The following BANK1 variants were observed in gnomAD, a reference collection of about 807,000 sequenced individuals.
The protein encoded by BANK1 is B cell scaffold protein with ankyrin repeats 1.
A neutral mutation model predicts 94.5 loss-of-function variants in BANK1; 95 were observed. That is an observed-to-expected ratio of 1.00 (90% CI 0.85 to 1.19). The LOEUF is 1.19. Among genes scored for constraint, BANK1 ranks in the 50% most tolerant of loss-of-function variants. The pLI is 0.00. For missense variants in BANK1, 987 were observed against 932.2 expected, an observed-to-expected ratio of 1.06 and a Z score of -0.77; for synonymous variants, 334 against 308.4, an observed-to-expected ratio of 1.08 and a Z score of -0.87.
chr4:101,954,121 A>C (rs545888112), intron 7 of BANK1, among the ~76,000 whole-genome samples: 1 of 152,176 alleles, frequency 6.6e-6, no homozygotes, highest in African/African-American at 2.4e-5. Context: ...CGGTCTTCAC[A>C]ATATGTTTTC....
At position 102,025,509 on chromosome 4, in the gene BANK1, G is replaced by A. The variant is rs1727059918; in HGVS notation, c.1594G>A (p.Gly532Arg). 1 of 1,607,534 alleles carries A rather than the reference G, an allele frequency of 6.2e-7. No homozygotes were observed. Among genetic ancestry groups the A allele is most frequent in the Non-Finnish European group, 8.5e-7 (1 of 1,179,516 alleles). The change falls in exon 9 of 17, where the codon GGG (glycine) becomes AGG (arginine). Residue 532 changes from glycine (G) to arginine (R), a missense_variant and splice_region_variant. Coordinates refer to ENST00000322953, the MANE Select transcript of BANK1 (RefSeq NM_017935.5). ...QLERPHFTLP[G>R]TMVEGQMERS... The stretch of plus-strand genomic sequence containing the variant: ...GGAAAGACCTCACTTCACCTTACCA[G>A]GTAAGTTTAAGGTTAGAAAAAAACA...
chr4:101,843,496 T>C (rs1461350407), intron 2 of BANK1, among the ~76,000 whole-genome samples: 1 of 152,226 alleles, frequency 6.6e-6, no homozygotes, highest in Non-Finnish European at 1.5e-5. Context: ...TATTATTATA[T>C]TCAAATGTTA....
At chr4:101,976,393 A>G (rs992487242) in intron 7 of BANK1, among the ~76,000 whole-genome samples, 2 of 152,172 alleles carry the variant, frequency 1.3e-5, no homozygotes, top group Non-Finnish European at 2.9e-5. Flanking sequence ...GGCAAAGAAT[A>G]CACAAAAATA....
intron 1 of BANK1, among the ~76,000 whole-genome samples, chr4:101,798,209 G>T (rs952346850): frequency 6.6e-6 from 1 of 152,146 alleles, no homozygotes; most frequent in Non-Finnish European, 1.5e-5. Flanking sequence ...AGCTGAATGG[G>T]AATGAGTGGA....
chr4:101,869,849 A>G (rs143664676), intron 4 of BANK1, among the ~76,000 whole-genome samples: 11 of 152,114 alleles, frequency 7.2e-5, no homozygotes, highest in African/African-American at 2.6e-4. Flanking sequence ...ATTCTTTCAT[A>G]GAAAGTCCTA....
At chr4:101,936,337 ATG>A (rs776455967) in intron 7 of BANK1, among the ~76,000 whole-genome samples, 14 of 150,490 alleles carry the variant, frequency 9.3e-5, no homozygotes, top group Non-Finnish European at 1.6e-4. Flanking sequence ...ATACATATAT[ATG>A]TACATATACA....
At chr4:101,792,838 A>T (rs1016230299) in intron 1 of BANK1, among the ~76,000 whole-genome samples, 1 of 152,170 alleles carries the variant, frequency 6.6e-6, no homozygotes, top group Admixed American at 6.5e-5. Context: ...AAGCAAGAAA[A>T]ATAGAATACC....
chr4:101,862,202 T>G (rs1363383071), intron 3 of BANK1, among the ~76,000 whole-genome samples: 1 of 152,084 alleles, frequency 6.6e-6, no homozygotes, highest in African/African-American at 2.4e-5. Flanking sequence ...TGCGAAATGA[T>G]GCTTATACCC....
intron 2 of BANK1, among the ~76,000 whole-genome samples, chr4:101,839,957 T>A (rs1208849033): frequency 0.039 from 2,315 of 59,416 alleles, 227 homozygotes; most frequent in African/African-American, 0.14. Flanking sequence ...TTTTTTTTTT[T>A]TTTTTTTTTT....
chr4:101,973,987 A>G (rs566338096), intron 7 of BANK1, among the ~76,000 whole-genome samples: 38 of 152,204 alleles, frequency 2.5e-4, no homozygotes, highest in African/African-American at 7.7e-4. Flanking sequence ...TTTTAACAAC[A>G]TAGCTTTTTA....
At chr4:102,069,482 T>G (rs1301513326) in intron 13 of BANK1, among the ~76,000 whole-genome samples, 1 of 152,220 alleles carries the variant, frequency 6.6e-6, no homozygotes, top group African/African-American at 2.4e-5. Flanking sequence ...TTGGTTAGGA[T>G]GTGGAACTGG....
chr4:101,909,559 A>G (rs1275387073), intron 6 of BANK1, among the ~76,000 whole-genome samples: 1 of 152,162 alleles, frequency 6.6e-6, no homozygotes, highest in African/African-American at 2.4e-5. Flanking sequence ...CACACAAAAA[A>G]ATGCCTTTAA....
At chr4:101,890,205 T>C (rs1721801790) in intron 5 of BANK1, among the ~76,000 whole-genome samples, 1 of 152,084 alleles carries the variant, frequency 6.6e-6, no homozygotes, top group African/African-American at 2.4e-5. Context: ...TGATGGTGTG[T>C]TTGAATTTTT....
At chr4:101,932,144 C>T (rs1723372051) in intron 7 of BANK1, among the ~76,000 whole-genome samples, 5 of 151,410 alleles carry the variant, frequency 3.3e-5, no homozygotes, top group Admixed American at 2.0e-4. Context: ...ATGTGGAGGA[C>T]AATCCCTCCC....
chr4:101,950,918 G>C (rs1408198455), intron 7 of BANK1, among the ~76,000 whole-genome samples: 1 of 152,088 alleles, frequency 6.6e-6, no homozygotes, highest in Non-Finnish European at 1.5e-5. Flanking sequence ...AGTCTCTCTG[G>C]TCAGACAATA....
rs537932190 is a variant in BANK1, at chr4:102,040,465, C to G, written c.1901-3374C>G. Among the ~76,000 whole-genome samples the G allele has an allele frequency of 2.5e-4, 38 of 152,086 alleles. No individual in the cohort carries two copies. The South Asian group carries it at 7.9e-3, about 32-fold the overall frequency. On this transcript the variant is annotated intron_variant, in intron 10 of 16. Transcript: ENST00000322953. The stretch of plus-strand genomic sequence containing the variant: ...TAATGCATTCATATTTCTTTCTTCT[C>G]AAATTTCAGTTTTAGGTAGGAGGAG...
chr4:101,959,752 A>C (rs1199244658), intron 7 of BANK1, among the ~76,000 whole-genome samples: 4 of 152,218 alleles, frequency 2.6e-5, no homozygotes, highest in African/African-American at 7.2e-5. Flanking sequence ...TCTTTGATCA[A>C]GGCTGGAGGA....
intron 6 of BANK1, among the ~76,000 whole-genome samples, chr4:101,898,483 T>G (rs1344102976): frequency 6.6e-6 from 1 of 152,064 alleles, no homozygotes; most frequent in Admixed American, 6.6e-5. Flanking sequence ...CTATTTTATT[T>G]ATTAAACAAT....
At chr4:101,923,126 TA>T (rs1193819977) in intron 7 of BANK1, among the ~76,000 whole-genome samples, 2 of 151,820 alleles carry the variant, frequency 1.3e-5, no homozygotes, top group Non-Finnish European at 2.9e-5. Flanking sequence ...GAAATGAATG[TA>T]AAATTATTAA....
Sources: allele counts gnomAD v4.1 joint callset (sites outside exome capture counted in the v4.1 genomes callset), GRCh38; gene constraint gnomAD v4.1.1; transcripts MANE v1.5; gene names NCBI Gene and HGNC (gene_info 2026-07-23, HGNC 2026-07-21).